TRIOBP: variants seen among roughly 807,000 people sequenced by gnomAD.
TRIOBP encodes TRIO and F-actin-binding protein.
A neutral mutation model predicts 238.8 loss-of-function variants in TRIOBP; 169 were observed. That is an observed-to-expected ratio of 0.71 (90% CI 0.62 to 0.80). The LOEUF (loss-of-function observed/expected upper bound fraction) is 0.80. TRIOBP is among the 30% of genes least tolerant of loss of function. The probability of loss-of-function intolerance (pLI) is 0.00; values close to 1 mark genes in which losing one functional copy is unlikely to be tolerated. For missense variants in TRIOBP, 2,838 were observed against 3,122.6 expected, an observed-to-expected ratio of 0.91 and a Z score of 2.17; for synonymous variants, 1,150 against 1,274.4, an observed-to-expected ratio of 0.90 and a Z score of 2.08.
intron 1 of TRIOBP, among the ~76,000 whole-genome samples, 157 bp from the exon 2 acceptor site, chr22:37,697,431 C>T (rs901396638): frequency 6.6e-6 from 1 of 152,122 alleles, no homozygotes; most frequent in Non-Finnish European, 1.5e-5. Context: ...GAGAAACGCC[C>T]AGGACGGGCG....
rs1389862498 is a variant in TRIOBP, at chr22:37,726,279, A to G, written c.3723A>G (p.Ala1241=). 1 of 1,611,776 alleles carries G rather than the reference A, an allele frequency of 6.2e-7. No homozygotes were observed. The highest frequency in any genetic ancestry group is 1.1e-5 in the South Asian group (1 of 90,994). Residue 1241 remains alanine, a synonymous_variant, in exon 7 of 24, where the codon GCA becomes GCG. Coordinates refer to ENST00000644935, the MANE Select transcript of TRIOBP (RefSeq NM_001039141.3). ...CACCCAGTGACCTAGCGTTCCTGGC[A>G]CCCTCACCTTCACCGGGCAGCTCTG... The part of the protein sequence containing the change: ...RHPPSDLAFL[A]PSPSPGSSGG...
At chr22:37,745,166 G>T (rs1393615787) in intron 11 of TRIOBP, among the ~76,000 whole-genome samples, 1 of 152,012 alleles carries the variant, frequency 6.6e-6, no homozygotes, top group African/African-American at 2.4e-5. Flanking sequence ...GCCCGGCAAG[G>T]GCAATAATTT....
At chr22:37,759,618 T>C (rs1486866747) in intron 17 of TRIOBP, 19 of 1,545,822 alleles carry the variant, frequency 1.2e-5, no homozygotes, top group Non-Finnish European at 1.5e-5. Flanking sequence ...GGGGGGCTAG[T>C]GGCCCCGAGA....
chr22:37,755,152 G>A lies in TRIOBP; in HGVS notation c.5539G>A (p.Glu1847Lys). ...CCTGCGTTCCTGCACGGATGTCACT[G>A]AGTACGCGGTGCAGCGCAACTATGG... ...IDLRSCTDVT[E>K]YAVQRNYGFQ... The change falls in exon 14 of 24, where the codon GAG becomes AAG. Residue 1847 changes from glutamate (E) to lysine (K), a missense_variant. Physicochemically the swap from Glu to Lys is moderately conservative, Grantham distance 56 (BLOSUM62 1). Around this residue, in one of 5 missense-constraint regions of TRIOBP, gnomAD observed 2,096 missense variants for 2,137.4 expected, o/e 0.98. Coordinates refer to ENST00000644935, the MANE Select transcript of TRIOBP (RefSeq NM_001039141.3). The A allele has an allele frequency of 6.2e-7, 1 of 1,613,742 alleles. No individual in the cohort carries two copies. The highest frequency in any genetic ancestry group is 8.5e-7 in the Non-Finnish European group (1 of 1,179,842).
At chr22:37,728,318 C>T (rs1924276766) in intron 7 of TRIOBP, among the ~76,000 whole-genome samples, 3 of 151,280 alleles carry the variant, frequency 2.0e-5, no homozygotes, top group African/African-American at 4.9e-5. Flanking sequence ...CCTGTAGTCC[C>T]AGCTACTCAG....
intron 11 of TRIOBP, chr22:37,750,705 T>C (rs2145860982): frequency 4.2e-6 from 2 of 471,174 alleles, no homozygotes; most frequent in African/African-American, 4.0e-5. Flanking sequence ...TGGAAGGTTC[T>C]GGATCTTCAG....
intron 8 of TRIOBP, 92 bp from the exon 9 acceptor site, chr22:37,734,307 C>A: frequency 8.1e-7 from 1 of 1,227,426 alleles, no homozygotes; most frequent in Non-Finnish European, 1.2e-6. Context: ...TGTGTGGACA[C>A]AGCCTTGACT....
In TRIOBP at chr22:37,757,772, G is replaced by A. The variant is rs751737585; in HGVS notation, c.5847G>A (p.Ser1949=). The A allele has an allele frequency of 1.2e-5, 19 of 1,552,654 alleles. No individual in the cohort carries two copies. The Admixed American group carries it at 2.3e-4, about 19-fold the overall frequency. ...QRQALDYVEL[S]PLTQASPQRA... ...AGGCCTTGGACTACGTGGAGCTCTC[G>A]CCGCTGACCCAGGCTTCCCCGCAGC... The change falls in exon 16 of 24, where the codon TCG becomes TCA. Residue 1949 remains serine (S), a synonymous_variant. Coordinates refer to ENST00000644935, the MANE Select transcript of TRIOBP (RefSeq NM_001039141.3).
chr22:37,756,330 G>A (rs183064140), intron 15 of TRIOBP, among the ~76,000 whole-genome samples: 1 of 152,168 alleles, frequency 6.6e-6, no homozygotes, highest in African/African-American at 2.4e-5. Flanking sequence ...CCGTGGTAGG[G>A]TGCGCCTGTC....
At chr22:37,769,423 G>C (rs778486513) in intron 21 of TRIOBP, 48 bp downstream of exon 21, 1 of 1,494,006 alleles carries the variant, frequency 6.7e-7, no homozygotes, top group Non-Finnish European at 9.0e-7. Context: ...CTCGGGGCCC[G>C]GGGCTATGGG....
At chr22:37,702,564 G>A (rs1048366841) in intron 3 of TRIOBP, among the ~76,000 whole-genome samples, 6 of 151,976 alleles carry the variant, frequency 3.9e-5, no homozygotes, top group Middle Eastern at 3.4e-3. Flanking sequence ...TGTCAAAAAG[G>A]GAGATTAGCA....
At chr22:37,704,417 CAGA>C in intron 3 of TRIOBP, among the ~76,000 whole-genome samples, 1 of 31,804 alleles carries the variant, frequency 3.1e-5, no homozygotes, top group African/African-American at 5.2e-5. Flanking sequence ...CAGAACAGAA[CAGA>C]ACAGAACAGA....
chr22:37,770,195 T>G (rs1229838162), intron 21 of TRIOBP, among the ~76,000 whole-genome samples: 1 of 147,318 alleles, frequency 6.8e-6, no homozygotes, highest in Admixed American at 6.7e-5. Context: ...TCCCAGCACT[T>G]TGGGAGGCCG....
In TRIOBP at chr22:37,735,151, G is replaced by A. The variant is rs772940687; in HGVS notation, c.4815G>A (p.Leu1605=). The A allele has an allele frequency of 6.2e-7, 1 of 1,610,414 alleles. No individual in the cohort carries two copies. The highest frequency in any genetic ancestry group is 1.3e-5 in the African/African-American group (1 of 74,974). ...ACCCAGCTGGACACAGGGATGACCT[G>A]GCCAGGGCTTTAGGGCCAGAGCTGG... is the stretch of plus-strand genomic sequence containing the variant. ...RKDPAGHRDD[L]ARALGPELGP... is the part of the protein sequence containing the mutation. Residue 1605 remains leucine, a synonymous_variant, in exon 9 of 24, where the codon CTG becomes CTA. Transcript: ENST00000644935.
chr22:37,754,001 C>T (rs146189498), intron 12 of TRIOBP, among the ~76,000 whole-genome samples: 186 of 152,266 alleles, frequency 1.2e-3, no homozygotes, highest in African/African-American at 4.4e-3. Flanking sequence ...CCAATCTAAC[C>T]CCAGCTGGAG....
chr22:37,715,622 C>T (rs1236829997), intron 5 of TRIOBP, 141 bp from the exon 6 acceptor site: 12 of 930,484 alleles, frequency 1.3e-5, no homozygotes, highest in Non-Finnish European at 1.7e-5. Flanking sequence ...GGATTGCAGG[C>T]GTGAGCCACA....
intron 17 of TRIOBP, among the ~76,000 whole-genome samples, chr22:37,762,414 A>T (rs569589768): frequency 6.6e-6 from 1 of 152,292 alleles, no homozygotes; most frequent in African/African-American, 2.4e-5. Flanking sequence ...CCTTTAGATA[A>T]AGGCTCTGCC....
Position 37,746,109 on chromosome 22 carries a change from G to T in TRIOBP, c.5322+5077G>T, listed in dbSNP as rs558132208. 1,692 of 840,664 alleles carry T rather than the reference G, an allele frequency of 2.0e-3. 26 individuals are homozygous for T. In the African/African-American group the frequency reaches 0.029, roughly 15 times the overall value. 52.1% of individuals were successfully genotyped at this position (840,664 alleles called of 1,614,324 possible). A position where few individuals can be genotyped will look rare whatever the true frequency, so the allele number is the denominator to read the frequency against. On this transcript the variant is annotated intron_variant, in intron 11 of 23. Coordinates refer to ENST00000644935, the MANE Select transcript of TRIOBP (RefSeq NM_001039141.3). Reference sequence around the variant, plus strand: ...CGCCCGTCCCGTTGCGGCAGGTCCCGCCCCCGGCCCGTCTCGCGCTTCCAT... The same window carrying T: ...CGCCCGTCCCGTTGCGGCAGGTCCCTCCCCCGGCCCGTCTCGCGCTTCCAT...
chr22:37,710,441 T>C lies in TRIOBP; in HGVS notation c.129T>C (p.Pro43=). 1.2e-6 allele frequency: 2 copies of C among 1,613,536 alleles called. No individual in the cohort carries two copies. Among genetic ancestry groups the C allele is most frequent in the Non-Finnish European group, 1.7e-6 (2 of 1,180,004 alleles). Residue 43 remains proline, a synonymous_variant, in exon 4 of 24, where the codon CCT becomes CCC. Transcript: ENST00000644935. ...CCCTGGCCCAGGAGCTCAGGAGCCC[T>C]TCAGGTGCTGAGGTGCCCTACTGCG... ...HGARYQELRS[P]SGAEVPYCDL...
Sources: allele counts gnomAD v4.1 joint callset (sites outside exome capture counted in the v4.1 genomes callset), GRCh38; gene constraint gnomAD v4.1.1; regional missense constraint gnomAD v4.1.1; transcripts MANE v1.5; gene names NCBI Gene and HGNC (gene_info 2026-07-23, HGNC 2026-07-21).